The following PDLIM4 variants were observed in gnomAD, a reference collection of about 807,000 sequenced individuals.
The protein encoded by PDLIM4 is PDZ and LIM domain 4, also known as PDZ and LIM domain protein 4.
PDLIM4 carries 19 observed loss-of-function variants against 31.3 expected under a neutral mutation model. The ratio of observed to expected loss-of-function variants is 0.61; its 90% CI spans 0.42 to 0.89. The LOEUF is 0.89. PDLIM4 is among the 40% of genes least tolerant of loss of function. The pLI is 0.00. For missense variants in PDLIM4, 442 were observed against 461.1 expected, an observed-to-expected ratio of 0.96 and a Z score of 0.38; for synonymous variants, 176 against 190.1, an observed-to-expected ratio of 0.93 and a Z score of 0.61.
intron 1 of PDLIM4, among the ~76,000 whole-genome samples, chr5:132,260,580 A>T (rs1044697958): frequency 7.9e-5 from 12 of 152,110 alleles, no homozygotes; most frequent in African/African-American, 2.4e-4. Flanking sequence ...TGCCTGGAAC[A>T]CTATCTCTCC....
intron 2 of PDLIM4, among the ~76,000 whole-genome samples, chr5:132,263,894 C>A (rs2126673829): frequency 6.6e-6 from 1 of 152,336 alleles, no homozygotes; most frequent in African/African-American, 2.4e-5. Context: ...CCTCATCCAG[C>A]CTCTGGAGCC....
intron 2 of PDLIM4, among the ~76,000 whole-genome samples, chr5:132,263,905 T>G (rs2126673837): frequency 1.3e-5 from 2 of 152,328 alleles, no homozygotes; most frequent in East Asian, 3.9e-4. Context: ...CTCTGGAGCC[T>G]TAGGTGCCCA....
Position 132,270,960 on chromosome 5 carries a change from G to A in PDLIM4, c.373G>A (p.Gly125Arg), listed in dbSNP as rs746835619. 20 of 1,614,032 alleles carry A rather than the reference G, an allele frequency of 1.2e-5. No individual in the cohort carries two copies. The highest frequency in any genetic ancestry group is 2.2e-5 in the East Asian group (1 of 44,894). The change falls in exon 4 of 7, where the codon GGG (glycine) becomes AGG (arginine). Residue 125 changes from glycine (G) to arginine (R), a missense_variant. Coordinates refer to ENST00000253754, the MANE Select transcript of PDLIM4 (RefSeq NM_003687.4). ...TSRRPSGTGT[G>R]PEDGRPSLGS... ...CAGGCGGCCCTCAGGCACCGGGACT[G>A]GGCCAGAAGATGGCAGACCAAGCCT...
At chr5:132,270,859 C>G in intron 3 of PDLIM4, 56 bp from the exon 4 acceptor site, 4 of 1,527,340 alleles carry the variant, frequency 2.6e-6, no homozygotes, top group Non-Finnish European at 3.6e-6. Flanking sequence ...GTGGGGTGAA[C>G]AAGGAATGGC....
chr5:132,271,086 C>T lies in PDLIM4; in HGVS notation c.499C>T (p.Pro167Ser), dbSNP rs941917547. The T allele has an allele frequency of 6.2e-7, 1 of 1,612,670 alleles. No individual in the cohort carries two copies. The highest frequency in any genetic ancestry group is 8.5e-7 in the Non-Finnish European group (1 of 1,178,928). The change falls in exon 4 of 7, where the codon CCC becomes TCC. Residue 167 changes from proline to serine, a missense_variant. By Grantham distance (74) the Pro-to-Ser change is moderately conservative. Coordinates refer to ENST00000253754, the MANE Select transcript of PDLIM4 (RefSeq NM_003687.4). Reference protein sequence around the residue: ...AQMSTLHVSPPPSADPARGLP... With the variant: ...AQMSTLHVSPSPSADPARGLP... Reference sequence around the variant, plus strand: ...GATGAGCACCCTGCATGTGTCTCCACCCCCCAGGTAGCACAGAGATGCCTT... The same window carrying T: ...GATGAGCACCCTGCATGTGTCTCCATCCCCCAGGTAGCACAGAGATGCCTT...
chr5:132,265,968 A>C (rs1756483065), intron 2 of PDLIM4, among the ~76,000 whole-genome samples: 3 of 152,340 alleles, frequency 2.0e-5, no homozygotes, highest in African/African-American at 7.2e-5. Context: ...TGCCGGCAGC[A>C]GCAGCAGGAG....
chr5:132,263,238 G>A (rs971751804), intron 2 of PDLIM4, among the ~76,000 whole-genome samples: 12 of 152,216 alleles, frequency 7.9e-5, no homozygotes, highest in African/African-American at 2.9e-4. Flanking sequence ...CACACAGAGA[G>A]GGAGTGGGGT....
At chr5:132,269,976 T>A (rs547438911) in intron 3 of PDLIM4, among the ~76,000 whole-genome samples, 1 of 131,852 alleles carries the variant, frequency 7.6e-6, no homozygotes, top group Admixed American at 7.6e-5. Context: ...TGTGTTGTCC[T>A]TATGTGTGTG....
intron 2 of PDLIM4, 40 bp from the exon 3 acceptor site, chr5:132,266,424 T>C (rs1300454135): frequency 1.4e-6 from 2 of 1,380,394 alleles, no homozygotes; most frequent in East Asian, 2.3e-5. Context: ...ATGGTGGGCG[T>C]GGTAGGAGAC....
Position 132,271,067 on chromosome 5 carries a change from C to T in PDLIM4, c.480C>T (p.Ser160=). 1 of 1,614,090 alleles carries T rather than the reference C, an allele frequency of 6.2e-7. No individual in the cohort carries two copies. The highest frequency in any genetic ancestry group is 8.5e-7 in the Non-Finnish European group (1 of 1,179,948). ...SSEATLPAQM[S]TLHVSPPPSA... The stretch of plus-strand genomic sequence containing the variant: ...AGGCCACCCTGCCAGCCCAGATGAG[C>T]ACCCTGCATGTGTCTCCACCCCCCA... The change falls in exon 4 of 7, where the codon AGC becomes AGT. Residue 160 remains serine, a synonymous_variant. Coordinates refer to ENST00000253754, the MANE Select transcript of PDLIM4 (RefSeq NM_003687.4).
rs372974233 is a variant in PDLIM4, at chr5:132,271,329, G to A, written c.533G>A (p.Arg178Gln). Reference sequence around the variant, plus strand: ...GCTGACCCAGCCAGAGGCCTCCCGCGGAGCCGGGACTGCAGAGTCGACCTG... The same window carrying A: ...GCTGACCCAGCCAGAGGCCTCCCGCAGAGCCGGGACTGCAGAGTCGACCTG... ...PSADPARGLP[R>Q]SRDCRVDLGS... The change falls in exon 5 of 7, where the codon CGG becomes CAG. Residue 178 changes from arginine (R) to glutamine (Q), a missense_variant. Transcript: ENST00000253754. The A allele has an allele frequency of 1.6e-5, 26 of 1,597,566 alleles. No individual in the cohort carries two copies. Among genetic ancestry groups the A allele is most frequent in the Non-Finnish European group, 2.0e-5 (24 of 1,173,568 alleles).
In PDLIM4 at chr5:132,262,662, C is replaced by T. The variant is rs1456022650; in HGVS notation, c.147C>T (p.Ile49=). 1 of 1,612,382 alleles carries T rather than the reference C, an allele frequency of 6.2e-7. No homozygotes were observed. The highest frequency in any genetic ancestry group is 1.7e-5 in the Admixed American group (1 of 59,814). Residue 49 remains isoleucine (I), a synonymous_variant, in exon 2 of 7, where the codon ATC becomes ATT. Coordinates refer to ENST00000253754, the MANE Select transcript of PDLIM4 (RefSeq NM_003687.4). ...CTGCCCTGTGCCCAGGAGACCTGATCCAGGCCATCAATGGTGAGAGCACAG... is the reference window on the plus strand; with the variant it reads ...CTGCCCTGTGCCCAGGAGACCTGATTCAGGCCATCAATGGTGAGAGCACAG... ...ALAALCPGDL[I]QAINGESTEL... is the part of the protein sequence containing the mutation.
In PDLIM4 at chr5:132,272,556, C is replaced by T. The variant is rs1434435028; in HGVS notation, c.*327C>T. ...GTGAGGTCTGGGATGCTGCGTGCGG[C>T]GCGACGACAGGAGGTATGACCTGGG... On this transcript the variant is annotated 3_prime_UTR_variant, in exon 7 of 7. Transcript: ENST00000253754. 4 of 390,408 alleles carry T rather than the reference C, an allele frequency of 1.0e-5. No homozygotes were observed. The highest frequency in any genetic ancestry group is 1.9e-5 in the Non-Finnish European group (4 of 205,424). The allele number at this position is 390,408 out of a possible 1,614,324, so 24.2% of individuals were successfully genotyped here.
Position 132,273,115 on chromosome 5 carries a change from C to T in PDLIM4, c.*886C>T, listed in dbSNP as rs1311678120. 1.3e-5 allele frequency: 2 copies of T among 152,332 alleles called. No individual in the cohort carries two copies. The highest frequency in any genetic ancestry group is 2.4e-5 in the African/African-American group (1 of 41,430). 9.4% of individuals were successfully genotyped at this position (152,332 alleles called of 1,614,324 possible). On this transcript the variant is annotated 3_prime_UTR_variant, in exon 7 of 7. Transcript: ENST00000253754. ...ACCTCGTGGTGTGTTTGCCTTGGGC[C>T]TTTCATGCCCCGGCTGCACACATCG...
At position 132,266,527 on chromosome 5, in the gene PDLIM4, C is replaced by T; in HGVS notation, c.309C>T (p.His103=). ...GCAAGGCTCAGGCACACAGGATCCA[C>T]ATCGATCCTGAGATCCAGGTATGTA... is the stretch of plus-strand genomic sequence containing the variant. ...DDSKAQAHRI[H]IDPEIQDGSP... Residue 103 remains histidine (H), a synonymous_variant, in exon 3 of 7, where the codon CAC becomes CAT. Transcript: ENST00000253754. 6.2e-7 allele frequency: 1 copy of T among 1,611,712 alleles called. No individual in the cohort carries two copies.
In PDLIM4 at chr5:132,262,704, G is replaced by A. The variant is rs749006436; in HGVS notation, c.189G>A (p.Leu63=). Residue 63 remains leucine (L), a synonymous_variant, in exon 2 of 7, where the codon CTG becomes CTA. Transcript: ENST00000253754. ...NGESTELMTH[L]EAQNRIKGCH... ...AGAGCACAGAGCTCATGACACACCT[G>A]GAGGCACAGAACCGCATCAAGGGCT... The A allele has an allele frequency of 6.2e-7, 1 of 1,613,746 alleles. No individual in the cohort carries two copies. The highest frequency in any genetic ancestry group is 8.5e-7 in the Non-Finnish European group (1 of 1,179,824).
chr5:132,260,266 C>T (rs189823276), intron 1 of PDLIM4, among the ~76,000 whole-genome samples: 39 of 152,308 alleles, frequency 2.6e-4, no homozygotes, highest in Non-Finnish European at 4.7e-4. Flanking sequence ...ATGCCCTCAC[C>T]GCCCACCTGA....
chr5:132,270,825 C>A, intron 3 of PDLIM4, 90 bp from the exon 4 acceptor site: 2 of 1,175,220 alleles, frequency 1.7e-6, no homozygotes, highest in Non-Finnish European at 2.5e-6. Flanking sequence ...CATCCACCAC[C>A]TGGCACAGCA....
chr5:132,268,509 A>T (rs1485317405), intron 3 of PDLIM4, among the ~76,000 whole-genome samples: 1 of 152,234 alleles, frequency 6.6e-6, no homozygotes, highest in Non-Finnish European at 1.5e-5. Flanking sequence ...GTGGGGCGAT[A>T]GGAGAACCTC....
Sources: gnomAD v4.1 joint callset for allele counts (sites outside exome capture counted in the v4.1 genomes callset) on GRCh38, gnomAD v4.1.1 for gene constraint, MANE v1.5 for transcripts, NCBI Gene and HGNC (gene_info 2026-07-23, HGNC 2026-07-21) for gene names.